The following CLDN16 variants were observed in gnomAD, a reference collection of about 807,000 sequenced individuals.
CLDN16 encodes claudin 16.
A neutral mutation model predicts 24.6 loss-of-function variants in CLDN16; 13 were observed. The ratio of observed to expected loss-of-function variants is 0.53; its 90% CI spans 0.34 to 0.84. The LOEUF (loss-of-function observed/expected upper bound fraction) is 0.84. Ranked by LOEUF, CLDN16 falls within the 40% of genes least tolerant of loss-of-function variation. CLDN16 has a pLI of 0.01. For synonymous variants in CLDN16, 116 were observed against 106.7 expected, an observed-to-expected ratio of 1.09 and a Z score of -0.54; for missense variants, 298 against 292.7, an observed-to-expected ratio of 1.02 and a Z score of -0.13.
intron 1 of CLDN16, among the ~76,000 whole-genome samples, chr3:190,347,454 G>A (rs1030191819): frequency 3.9e-5 from 6 of 152,114 alleles, no homozygotes; most frequent in African/African-American, 1.4e-4. Flanking sequence ...TGGATATAAC[G>A]ATCTGGCACT....
At chr3:190,349,112 A>G (rs1220956774) in intron 1 of CLDN16, among the ~76,000 whole-genome samples, 2 of 152,182 alleles carry the variant, frequency 1.3e-5, no homozygotes, top group African/African-American at 4.8e-5. Flanking sequence ...AGATGAAAGG[A>G]AATAGTATGG....
At chr3:190,341,896 G>A (rs936486617) in intron 1 of CLDN16, among the ~76,000 whole-genome samples, 2 of 152,072 alleles carry the variant, frequency 1.3e-5, no homozygotes, top group African/African-American at 4.8e-5. Context: ...AAATCTCTAG[G>A]GCAGGGACAA....
chr3:190,311,773 T>C, the CLDN16 span, among the ~76,000 whole-genome samples: 143 of 151,244 alleles, frequency 9.5e-4, no homozygotes, highest in African/African-American at 3.3e-3. Context: ...CACAGAGAGA[T>C]TGCATATGTA....
At chr3:190,382,072 T>C (rs1333729108) in intron 3 of CLDN16, among the ~76,000 whole-genome samples, 1 of 151,682 alleles carries the variant, frequency 6.6e-6, no homozygotes, top group Admixed American at 6.6e-5. Context: ...TTCAGACAGA[T>C]TCATTTTATG....
At chr3:190,403,012 A>T (rs1719001697) in intron 2 of CLDN16, among the ~76,000 whole-genome samples, 1 of 152,164 alleles carries the variant, frequency 6.6e-6, no homozygotes. Context: ...TGGCTCCCTT[A>T]TCTTCCTTAC....
chr3:190,369,234 A>G (rs1718084218), intron 1 of CLDN16, among the ~76,000 whole-genome samples: 1 of 151,952 alleles, frequency 6.6e-6, no homozygotes, highest in Non-Finnish European at 1.5e-5. Context: ...CACTGCCTCC[A>G]AGGAGACAGA....
chr3:190,388,213 A>G lies in CLDN16; in HGVS notation c.-117A>G. On this transcript the variant is annotated 5_prime_UTR_variant, in exon 1 of 5. Transcript: ENST00000264734. ...GCAGCAGGGCGTGAGAAAAAGTAAAAGACCAGTATTTTCACATTGCCAGGT... is the reference window on the plus strand; with the variant it reads ...GCAGCAGGGCGTGAGAAAAAGTAAAGGACCAGTATTTTCACATTGCCAGGT... 6.2e-7 allele frequency: 1 copy of G among 1,614,094 alleles called. No homozygotes were observed. Among genetic ancestry groups the G allele is most frequent in the Non-Finnish European group, 8.5e-7 (1 of 1,180,012 alleles).
intron 1 of CLDN16, among the ~76,000 whole-genome samples, chr3:190,349,773 A>T (rs1307746169): frequency 1.3e-5 from 2 of 152,178 alleles, no homozygotes; most frequent in African/African-American, 4.8e-5. Context: ...TGAGAAGAAC[A>T]TGCCTGAGCT....
intron 1 of CLDN16, among the ~76,000 whole-genome samples, chr3:190,340,040 T>C (rs529656199): frequency 6.6e-6 from 1 of 152,186 alleles, no homozygotes; most frequent in Non-Finnish European, 1.5e-5. Context: ...TATATCATAT[T>C]AACAGACATA....
intron 1 of CLDN16, among the ~76,000 whole-genome samples, chr3:190,349,661 A>G (rs1052890192): frequency 2.6e-5 from 4 of 152,308 alleles, no homozygotes; most frequent in African/African-American, 9.6e-5. Context: ...GACTTGTGTT[A>G]TCCATTGACA....
the CLDN16 span, among the ~76,000 whole-genome samples, chr3:190,301,207 T>C: frequency 0.58 from 87,744 of 151,928 alleles, 26,013 homozygotes; most frequent in African/African-American, 0.71. Flanking sequence ...AAGACGACTA[T>C]GTCCAGGTTG....
chr3:190,402,221 C>T (rs1718980359), intron 1 of CLDN16, 116 bp from the exon 2 acceptor site: 6 of 793,774 alleles, frequency 7.6e-6, no homozygotes, highest in Non-Finnish European at 1.4e-5. Context: ...GTTCTGATCA[C>T]ATGTGTAACC....
At chr3:190,373,249 T>G (rs1718179500) in intron 2 of CLDN16, among the ~76,000 whole-genome samples, 2 of 150,302 alleles carry the variant, frequency 1.3e-5, no homozygotes, top group African/African-American at 4.9e-5. Flanking sequence ...TTGCAGGGTT[T>G]CTAGAGCCTT....
intron 1 of CLDN16, among the ~76,000 whole-genome samples, chr3:190,328,181 T>C (rs1717110816): frequency 6.6e-6 from 1 of 151,664 alleles, no homozygotes; most frequent in South Asian, 2.1e-4. Context: ...CTCGGGAGGC[T>C]GAGGTAGGAG....
intron 1 of CLDN16, among the ~76,000 whole-genome samples, chr3:190,328,686 A>C (rs948986088): frequency 3.9e-5 from 6 of 152,108 alleles, no homozygotes; most frequent in South Asian, 2.1e-4. Flanking sequence ...AAAAAAAAAA[A>C]ACAAGATTTT....
At chr3:190,322,431 G>A (rs954433535), upstream of CLDN16, 1 of 585,694 alleles carries the variant, frequency 1.7e-6, no homozygotes, top group East Asian at 2.8e-5. Context: ...TTGCTCCCAG[G>A]CTCGGGAACT....
At chr3:190,345,408 G>A (rs1717530341) in intron 1 of CLDN16, among the ~76,000 whole-genome samples, 1 of 152,114 alleles carries the variant, frequency 6.6e-6, no homozygotes, top group Non-Finnish European at 1.5e-5. Flanking sequence ...TATGGAATTT[G>A]AGTTACTTCC....
At chr3:190,336,807 G>A (rs1717315681) in intron 1 of CLDN16, among the ~76,000 whole-genome samples, 1 of 152,168 alleles carries the variant, frequency 6.6e-6, no homozygotes, top group South Asian at 2.1e-4. Context: ...GACAAAAGCT[G>A]TTCGCCAAGA....
At chr3:190,382,242 AC>A (rs1186036036) in intron 3 of CLDN16, among the ~76,000 whole-genome samples, 1 of 152,036 alleles carries the variant, frequency 6.6e-6, no homozygotes, top group Admixed American at 6.6e-5. Context: ...CACTCAAAAC[AC>A]CCCCCATTGC....
Sources: allele counts gnomAD v4.1 joint callset (sites outside exome capture counted in the v4.1 genomes callset), GRCh38; gene constraint gnomAD v4.1.1; transcripts MANE v1.5; gene names NCBI Gene and HGNC (gene_info 2026-07-23, HGNC 2026-07-21).